The following SPATA13 variants were observed in gnomAD, a reference collection of about 807,000 sequenced individuals.
SPATA13 encodes spermatogenesis-associated protein 13.
In SPATA13, 50 loss-of-function variants were observed where a neutral mutation model predicts 104.0. That is an observed-to-expected ratio of 0.48 (90% CI 0.38 to 0.61). The LOEUF is 0.61. Among genes scored for constraint, SPATA13 ranks in the 20% least tolerant of loss-of-function variants. The pLI, the probability that SPATA13 is intolerant of heterozygous loss-of-function variation, is 0.00. For missense variants in SPATA13, 1,524 were observed against 1,690.6 expected, an observed-to-expected ratio of 0.90 and a Z score of 1.73; for synonymous variants, 606 against 667.5, an observed-to-expected ratio of 0.91 and a Z score of 1.42.
chr13:24,165,121 CT>C (rs1308277825), intron 1 of SPATA13, among the ~76,000 whole-genome samples: 1 of 152,156 alleles, frequency 6.6e-6, no homozygotes, highest in African/African-American at 2.4e-5. Context: ...GGAAATGGGG[CT>C]GTTGCTTCAG....
intron 4 of SPATA13, among the ~76,000 whole-genome samples, chr13:24,275,846 A>G (rs541212049): frequency 1.8e-4 from 28 of 152,194 alleles, no homozygotes; most frequent in Non-Finnish European, 3.8e-4. Flanking sequence ...AGGCAGGAGA[A>G]TCTCTGGAAC....
Position 24,224,153 on chromosome 13 carries a change from C to G in SPATA13, c.1224C>G (p.Ala408=). ...SKGPHLDADT[A]VFPLETKSSW... is the part of the protein sequence containing the mutation. ...GGCCCCACCTAGACGCTGACACTGCCGTATTTCCTCTTGAAACCAAAAGTT... is the reference window on the plus strand; with the variant it reads ...GGCCCCACCTAGACGCTGACACTGCGGTATTTCCTCTTGAAACCAAAAGTT... Residue 408 remains alanine (A), a synonymous_variant, in exon 2 of 13, where the codon GCC becomes GCG. Transcript: ENST00000382108. 2 of 1,551,774 alleles carry G rather than the reference C, an allele frequency of 1.3e-6. No homozygotes were observed. The highest frequency in any genetic ancestry group is 1.7e-6 in the Non-Finnish European group (2 of 1,147,012).
rs1882482815 is a variant in SPATA13 at position 24,161,359 on chromosome 13, G to A, written c.-112+427G>A. ...GAGCCCTGTAACGCTCTGCTCCATC[G>A]GGTGGCGTGGCTGGTGCCTCCGGGG... On this transcript the variant is annotated intron_variant, in intron 1 of 12. Coordinates refer to ENST00000382108, the MANE Select transcript of SPATA13 (RefSeq NM_001166271.3). This position sits in a 1 kb window ranked among gnomAD's most constrained non-coding sequence, Gnocchi z 4.5. Among the ~76,000 whole-genome samples the A allele has an allele frequency of 6.6e-6, 1 of 152,174 alleles. No homozygotes were observed. The highest frequency in any genetic ancestry group is 2.4e-5 in the African/African-American group (1 of 41,448).
chr13:24,059,503 C>T (rs1396636844), intron 3 of SPATA13, among the ~76,000 whole-genome samples: 2 of 152,210 alleles, frequency 1.3e-5, no homozygotes, highest in East Asian at 3.9e-4. Flanking sequence ...GTCACTTACA[C>T]TAACGCTTTT....
chr13:23,987,644 G>C (rs779227066), intron 2 of SPATA13, among the ~76,000 whole-genome samples: 1 of 152,172 alleles, frequency 6.6e-6, no homozygotes, highest in Non-Finnish European at 1.5e-5. Flanking sequence ...GAAAAGTTTG[G>C]TGTTTTATTT....
At chr13:24,004,461 C>T (rs1279907393) in intron 2 of SPATA13, among the ~76,000 whole-genome samples, 1 of 152,144 alleles carries the variant, frequency 6.6e-6, no homozygotes, top group East Asian at 1.9e-4. Flanking sequence ...TCTAGGAAAA[C>T]CAAGGGGTTT....
chr13:24,174,838 C>A (rs1883150959), intron 1 of SPATA13, among the ~76,000 whole-genome samples: 1 of 152,226 alleles, frequency 6.6e-6, no homozygotes, highest in African/African-American at 2.4e-5. Flanking sequence ...CTTGGCCTCC[C>A]AAAGTGCTGG....
intron 1 of SPATA13, among the ~76,000 whole-genome samples, chr13:24,219,936 G>T (rs1177860909): frequency 6.6e-6 from 1 of 152,164 alleles, no homozygotes; most frequent in Non-Finnish European, 1.5e-5. Context: ...AACCCTGAAA[G>T]TCCCATATCC....
chr13:24,019,243 T>C (rs1043237568), intron 3 of SPATA13, among the ~76,000 whole-genome samples: 67 of 151,210 alleles, frequency 4.4e-4, no homozygotes, highest in African/African-American at 1.5e-3. Context: ...CGCCCGCCAC[T>C]ACGCCCAGCT....
At position 24,198,744 on chromosome 13, in the gene SPATA13, C is replaced by T. The variant is rs141274374; in HGVS notation, c.-111-24075C>T. ...GGGTCGTCCTGTGAGGGCTATCCCA[C>T]GTGCTGCCACGAGGACATGGAAACT... On this transcript the variant is annotated intron_variant, in intron 1 of 12. Coordinates refer to ENST00000382108, the MANE Select transcript of SPATA13 (RefSeq NM_001166271.3). 1.4e-3 allele frequency among the ~76,000 whole-genome samples: 208 copies of T among 152,232 alleles called. 2 individuals are homozygous for T. Among genetic ancestry groups the T allele is most frequent in the African/African-American group, 4.8e-3 (198 of 41,514 alleles).
intron 3 of SPATA13, among the ~76,000 whole-genome samples, chr13:24,131,390 A>G (rs376599180): frequency 7.2e-5 from 11 of 152,154 alleles, no homozygotes; most frequent in African/African-American, 2.4e-4. Context: ...CTGACTCACA[A>G]AACCATCTAC....
intron 3 of SPATA13, among the ~76,000 whole-genome samples, chr13:24,144,569 A>G (rs1881869874): frequency 6.6e-6 from 1 of 152,100 alleles, no homozygotes. Flanking sequence ...AACTTTGATC[A>G]GGCACCGCTG....
At chr13:24,281,540 C>A (rs988466567) in intron 4 of SPATA13, among the ~76,000 whole-genome samples, 1 of 152,218 alleles carries the variant, frequency 6.6e-6, no homozygotes, top group African/African-American at 2.4e-5. Context: ...ATGGGCCATG[C>A]CTCAATGTGG....
intron 3 of SPATA13, among the ~76,000 whole-genome samples, chr13:24,074,655 T>C (rs531469816): frequency 6.6e-6 from 1 of 151,886 alleles, no homozygotes; most frequent in East Asian, 1.9e-4. Context: ...AAAACCCTTG[T>C]AGGAATTAGG....
chr13:24,167,642 A>G (rs954420229), intron 1 of SPATA13, among the ~76,000 whole-genome samples: 1 of 152,056 alleles, frequency 6.6e-6, no homozygotes, highest in Non-Finnish European at 1.5e-5. Context: ...ACCTTCTCCA[A>G]CCAATCAGTT....
At chr13:23,987,465 G>A (rs1875206215) in intron 2 of SPATA13, among the ~76,000 whole-genome samples, 1 of 152,118 alleles carries the variant, frequency 6.6e-6, no homozygotes, top group African/African-American at 2.4e-5. Flanking sequence ...ATTACTCTTA[G>A]CTCTGGGAAT....
chr13:24,289,624 A>C (rs1376113268), intron 8 of SPATA13, among the ~76,000 whole-genome samples: 1 of 152,194 alleles, frequency 6.6e-6, no homozygotes, highest in African/African-American at 2.4e-5. Flanking sequence ...CCAGAGAGTA[A>C]GTAACCCAAG....
rs79369392 is a variant in SPATA13 at position 24,030,176 on chromosome 13, A to G, written c.-112+12475A>G. 8.9e-3 allele frequency among the ~76,000 whole-genome samples: 1,354 copies of G among 152,230 alleles called. 22 individuals carry two copies. Among genetic ancestry groups the G allele is most frequent in the East Asian group, 0.076 (393 of 5,170 alleles). ...TGTTAGAGCTGATGAACCAACACTG[A>G]CACATCATTGTCACCCAGAGTCCCT... On this transcript the variant is annotated intron_variant, in intron 3 of 14. Coordinates refer to the SPATA13 transcript ENST00000424834.
chr13:24,225,211 C>T (rs972264295), intron 2 of SPATA13, among the ~76,000 whole-genome samples: 3 of 152,210 alleles, frequency 2.0e-5, no homozygotes, highest in African/African-American at 7.2e-5. Flanking sequence ...AATGGAGCAG[C>T]GAGGGGTGTG....
Sources: allele counts gnomAD v4.1 joint callset (sites outside exome capture counted in the v4.1 genomes callset), GRCh38; gene constraint gnomAD v4.1.1; non-coding constraint Gnocchi (gnomAD v3.1); transcripts MANE v1.5; gene names NCBI Gene and HGNC (gene_info 2026-07-23, HGNC 2026-07-21).